IQSEC2: variants seen among roughly 807,000 people sequenced by gnomAD.
The protein encoded by IQSEC2 is IQ motif and SEC7 domain-containing protein 2.
A neutral mutation model predicts 74.6 loss-of-function variants in IQSEC2; 6 were observed. The ratio of observed to expected loss-of-function variants is 0.08; its 90% CI spans 0.04 to 0.16. IQSEC2 has a LOEUF of 0.16. IQSEC2 is among the 10% of genes least tolerant of loss of function. IQSEC2 has a pLI of 1.00. For missense variants in IQSEC2, 734 were observed against 1,306.2 expected, an observed-to-expected ratio of 0.56 and a Z score of 6.75; for synonymous variants, 494 against 544.5, an observed-to-expected ratio of 0.91 and a Z score of 1.29.
At chrX:53,301,102 A>G (rs1488722183) in intron 1 of IQSEC2, among the ~76,000 whole-genome samples, 1 of 112,504 alleles carries the variant, frequency 8.9e-6, no homozygotes, top group Non-Finnish European at 1.9e-5. Flanking sequence ...CATTGAAAGT[A>G]TAATTTTTTA....
rs1268202079 is a variant in IQSEC2, at chrX:53,236,076, G to A, written c.3452-244C>T. On this transcript the variant is annotated intron_variant, in intron 13 of 14. Transcript: ENST00000642864. ...CAGAAGAGGGAGAAGAGGAGGAGAGGGGGAGCAGCGAGAGAGAGGGACCAA... is the reference window on the plus strand; with the variant it reads ...CAGAAGAGGGAGAAGAGGAGGAGAGAGGGAGCAGCGAGAGAGAGGGACCAA... 4.5e-5 allele frequency among the ~76,000 whole-genome samples: 5 copies of A among 111,755 alleles called. No homozygotes were observed. The East Asian group carries it at 1.1e-3, about 26-fold the overall frequency.
chrX:53,309,682 T>C (rs1198390975), intron 1 of IQSEC2, among the ~76,000 whole-genome samples: 2 of 112,437 alleles, frequency 1.8e-5, no homozygotes, highest in Non-Finnish European at 3.8e-5. Context: ...TCCAGCCTCT[T>C]CAGCCTTACT....
In IQSEC2 at chrX:53,236,697, G is replaced by A. The variant is rs993574318; in HGVS notation, c.3278-202C>T. Among the ~76,000 whole-genome samples, 4 of 110,892 alleles carry A rather than the reference G, an allele frequency of 3.6e-5. No individual in the cohort carries two copies. The Admixed American group carries it at 3.8e-4, about 11-fold the overall frequency. On this transcript the variant is annotated intron_variant, in intron 12 of 14. Coordinates refer to ENST00000642864, the MANE Select transcript of IQSEC2 (RefSeq NM_001111125.3). ...GCTCCATCACCGAAGCACCCTTAGT[G>A]CCCAGCTCCTGTCTTGCACCCTCCC... is the stretch of plus-strand genomic sequence containing the variant.
rs1348701976 is a variant in IQSEC2, at chrX:53,250,424, G to C, written c.2152C>G (p.Arg718Gly). 8.3e-7 allele frequency: 1 copy of C among 1,210,325 alleles called. No homozygotes were observed. Among genetic ancestry groups the C allele is most frequent in the Non-Finnish European group, 1.1e-6 (1 of 895,159 alleles). ...TINCSSGSSS[R>G]DSLREPPATG... ...GCCGGAGGCTCCCTTAGACTGTCCC[G>C]AGAAGAGGAGCCGGAGCTGCAGTTG... The change falls in exon 5 of 15, where the codon CGG (arginine) becomes GGG (glycine). Residue 718 changes from arginine (R) to glycine (G), a missense_variant. By Grantham distance (125) the Arg-to-Gly change is moderately radical. Coordinates refer to ENST00000642864, the MANE Select transcript of IQSEC2 (RefSeq NM_001111125.3).
chrX:53,290,710 G>A (rs1281502311), intron 2 of IQSEC2, among the ~76,000 whole-genome samples: 7 of 111,824 alleles, frequency 6.3e-5, no homozygotes, highest in Non-Finnish European at 1.1e-4. Context: ...CTGGGTATCC[G>A]TGTGTTTACC....
Position 53,234,654 on chromosome X carries a change from T to C in IQSEC2, c.4032A>G (p.Arg1344=). 1 of 1,138,475 alleles carries C rather than the reference T, an allele frequency of 8.8e-7. No individual in the cohort carries two copies. Among genetic ancestry groups the C allele is most frequent in the Non-Finnish European group, 1.2e-6 (1 of 858,867 alleles). The allele number at this position is 1,138,475 out of a possible 1,213,427, so 93.8% of individuals were successfully genotyped here. A position where few individuals can be genotyped will look rare whatever the true frequency, so the allele number is the denominator to read the frequency against. The change falls in exon 15 of 15, where the codon AGA becomes AGG. Residue 1344 remains arginine, a synonymous_variant. Coordinates refer to ENST00000642864, the MANE Select transcript of IQSEC2 (RefSeq NM_001111125.3). ...ACTGAGGGTGTCCTCCAGCCCCCCG[T>C]CTGGGTGCCCTGCCTGGCCGGCCCA... is the stretch of plus-strand genomic sequence containing the variant. ...YTLGRPGRAP[R]RGAGGHPQFA... is the part of the protein sequence containing the mutation.
chrX:53,287,545 C>T (rs1556872064), intron 2 of IQSEC2, among the ~76,000 whole-genome samples: 2 of 113,133 alleles, frequency 1.8e-5, no homozygotes, highest in African/African-American at 6.4e-5. Flanking sequence ...TTCACAGCCA[C>T]GCTGCCATGC....
chrX:53,270,693 C>T lies in IQSEC2; in HGVS notation c.738-14632G>A, dbSNP rs190866698. On this transcript the variant is annotated intron_variant, in intron 2 of 14. Coordinates refer to ENST00000642864, the MANE Select transcript of IQSEC2 (RefSeq NM_001111125.3). ...GGACAGGCATCTGTTCTGTTCAGTG[C>T]TAAACCCCTAGTGCCTAACACAGTG... Among the ~76,000 whole-genome samples, 16 of 112,490 alleles carry T rather than the reference C, an allele frequency of 1.4e-4. No individual in the cohort carries two copies. In the East Asian group the frequency reaches 3.6e-3, roughly 25 times the overall value.
At chrX:53,310,055 C>T (rs1397860714) in intron 1 of IQSEC2, among the ~76,000 whole-genome samples, 3 of 111,308 alleles carry the variant, frequency 2.7e-5, no homozygotes, top group Admixed American at 1.9e-4. Flanking sequence ...TTACGGAGCA[C>T]CTACAGTATC....
chrX:53,270,503 C>T, intron 2 of IQSEC2, among the ~76,000 whole-genome samples: 1 of 111,530 alleles, frequency 9.0e-6, no homozygotes, highest in East Asian at 2.8e-4. Context: ...CAAGCCTCTG[C>T]TCAAATACTG....
At chrX:53,274,525 A>G (rs190467688) in intron 2 of IQSEC2, among the ~76,000 whole-genome samples, 2,626 of 82,447 alleles carry the variant, frequency 0.032, 45 homozygotes, top group Middle Eastern at 0.13. Context: ...GCAGTGGCGC[A>G]ATCTTGGCTC....
At chrX:53,318,930 G>A (rs2075403361) in intron 1 of IQSEC2, among the ~76,000 whole-genome samples, 2 of 112,813 alleles carry the variant, frequency 1.8e-5, no homozygotes, top group Admixed American at 9.3e-5. Flanking sequence ...CGGTCCTCCC[G>A]GACTGAGCTC....
intron 1 of IQSEC2, among the ~76,000 whole-genome samples, chrX:53,305,374 C>T (rs2075250801): frequency 9.0e-6 from 1 of 110,596 alleles, no homozygotes; most frequent in Admixed American, 9.6e-5. Flanking sequence ...CCACCACGCC[C>T]AGCTAATTTT....
chrX:53,268,504 C>T (rs2074693144), intron 2 of IQSEC2, among the ~76,000 whole-genome samples: 1 of 111,335 alleles, frequency 9.0e-6, no homozygotes, highest in African/African-American at 3.3e-5. Flanking sequence ...CACACCTCTC[C>T]AGGCTGTCAT....
chrX:53,236,184 A>C (rs2074126504), intron 13 of IQSEC2, 138 bp downstream of exon 13: 2 of 726,895 alleles, frequency 2.8e-6, no homozygotes, highest in East Asian at 7.0e-5. Flanking sequence ...CCTGTGGCGC[A>C]GCGCCCAGGG....
intron 1 of IQSEC2, among the ~76,000 whole-genome samples, chrX:53,301,368 T>A (rs148730099): frequency 6.3e-5 from 7 of 111,473 alleles, no homozygotes; most frequent in African/African-American, 2.0e-4. Flanking sequence ...CACAATCTTA[T>A]GGGTTGTACT....
chrX:53,290,224 A>G (rs2075083571), intron 2 of IQSEC2, among the ~76,000 whole-genome samples: 1 of 111,797 alleles, frequency 8.9e-6, no homozygotes, highest in Admixed American at 9.5e-5. Flanking sequence ...AATGATGATA[A>G]GGCCAGCTCA....
intron 2 of IQSEC2, among the ~76,000 whole-genome samples, chrX:53,291,152 C>G (rs1230525643): frequency 9.1e-6 from 1 of 110,282 alleles, no homozygotes; most frequent in Non-Finnish European, 1.9e-5. Flanking sequence ...CCTATATAAT[C>G]CCTATACTTG....
intron 1 of IQSEC2, among the ~76,000 whole-genome samples, chrX:53,299,079 T>C (rs782027306): frequency 1.9e-5 from 2 of 106,084 alleles, no homozygotes; most frequent in African/African-American, 3.4e-5. Flanking sequence ...CTCTCTCTCT[T>C]TTTTTTTTTA....
Sources: gnomAD v4.1 joint callset for allele counts (sites outside exome capture counted in the v4.1 genomes callset) on GRCh38, gnomAD v4.1.1 for gene constraint, MANE v1.5 for transcripts, NCBI Gene and HGNC (gene_info 2026-07-23, HGNC 2026-07-21) for gene names.